The following CYRIA variants were observed in gnomAD, a reference collection of about 807,000 sequenced individuals.
CYRIA encodes the protein CYFIP-related Rac1 interactor A.
Under a neutral mutation model 43.9 loss-of-function variants are expected in CYRIA, and 15 were observed. The observed-to-expected ratio is 0.34, with a 90% CI of 0.23 to 0.53. The LOEUF (loss-of-function observed/expected upper bound fraction) is 0.53. Ranked by LOEUF, CYRIA falls within the 20% of genes least tolerant of loss-of-function variation. The pLI is 0.94. For missense variants in CYRIA, 236 were observed against 394.2 expected (o/e 0.60, Z 3.40); for synonymous variants, 117 against 136.0 (o/e 0.86, Z 0.97).
chr2:16,549,994 T>C lies in CYRIA; in HGVS notation c.*2942A>G, dbSNP rs1382790717. 1 of 151,796 alleles carries C rather than the reference T, an allele frequency of 6.6e-6. No homozygotes were observed. Among genetic ancestry groups the C allele is most frequent in the African/African-American group, 2.4e-5 (1 of 41,372 alleles). The allele number at this position is 151,796 out of a possible 1,614,324, so 9.4% of individuals were successfully genotyped here. A position where few individuals can be genotyped will look rare whatever the true frequency, so the allele number is the denominator to read the frequency against. On this transcript the variant is annotated 3_prime_UTR_variant, in exon 12 of 12. Coordinates refer to ENST00000381323, the MANE Select transcript of CYRIA (RefSeq NM_030797.4). The stretch of plus-strand genomic sequence containing the variant: ...AGACATCCATTTCCAGTTGTTTTTT[T>C]TTTTTGTTATTGTTTTTTTTTTTCT...
chr2:16,573,173 C>G (rs535074242), intron 3 of CYRIA, among the ~76,000 whole-genome samples: 1 of 152,320 alleles, frequency 6.6e-6, no homozygotes, highest in Non-Finnish European at 1.5e-5. Context: ...ATTTCATGCC[C>G]AGCCCTAGGC....
At chr2:16,659,016 G>A (rs80265477) in intron 1 of CYRIA, among the ~76,000 whole-genome samples, 5,079 of 152,272 alleles carry the variant, frequency 0.033, 100 homozygotes, top group Middle Eastern at 0.075. Context: ...TTATTTCTGT[G>A]TGGCATCCTC....
intron 1 of CYRIA, among the ~76,000 whole-genome samples, chr2:16,647,438 A>G (rs1428895539): frequency 6.6e-6 from 1 of 152,194 alleles, no homozygotes; most frequent in African/African-American, 2.4e-5. Context: ...TATACGCAAG[A>G]ATGTAAGCTC....
chr2:16,603,941 C>T (rs551315868), intron 2 of CYRIA, among the ~76,000 whole-genome samples: 9 of 152,290 alleles, frequency 5.9e-5, no homozygotes, highest in Non-Finnish European at 8.8e-5. Flanking sequence ...GTAATTATAT[C>T]CTAAATATGC....
At chr2:16,663,253 A>G (rs1192117063) in intron 1 of CYRIA, among the ~76,000 whole-genome samples, 4 of 152,220 alleles carry the variant, frequency 2.6e-5, no homozygotes, top group Non-Finnish European at 5.9e-5. Flanking sequence ...TGTGGCCAGT[A>G]GGATAGATGC....
chr2:16,622,961 G>A (rs923728912), intron 2 of CYRIA: 4 of 152,204 alleles, frequency 2.6e-5, no homozygotes, highest in Admixed American at 2.0e-4. Flanking sequence ...GCTTAGCTTC[G>A]TGAAATGCTT....
chr2:16,600,694 T>C (rs1378991190), intron 2 of CYRIA, among the ~76,000 whole-genome samples: 1 of 152,212 alleles, frequency 6.6e-6, no homozygotes, highest in Non-Finnish European at 1.5e-5. Flanking sequence ...TTATTACTAC[T>C]ATAATTTATG....
intron 10 of CYRIA, among the ~76,000 whole-genome samples, chr2:16,556,171 A>G (rs558365757): frequency 2.0e-5 from 3 of 152,186 alleles, no homozygotes; most frequent in African/African-American, 7.2e-5. Context: ...TGCTTCTTGC[A>G]TGTCAAAAGT....
intron 1 of CYRIA, among the ~76,000 whole-genome samples, chr2:16,638,766 T>C (rs1669584875): frequency 6.6e-6 from 1 of 152,158 alleles, no homozygotes; most frequent in Non-Finnish European, 1.5e-5. Flanking sequence ...TTGTATTTTA[T>C]ATCGTGTGAG....
At chr2:16,663,381 C>G (rs144274749) in intron 1 of CYRIA, among the ~76,000 whole-genome samples, 1 of 152,140 alleles carries the variant, frequency 6.6e-6, no homozygotes, top group Non-Finnish European at 1.5e-5. Flanking sequence ...TACCATAATA[C>G]GTGCTCAGCT....
rs11901248 is a variant in CYRIA, at chr2:16,634,124, C to T, written c.-166-10105G>A. 6.4e-4 allele frequency among the ~76,000 whole-genome samples: 98 copies of T among 152,306 alleles called. 1 individual carries two copies. Among genetic ancestry groups the T allele is most frequent in the Admixed American group, 4.4e-3 (67 of 15,306 alleles). On this transcript the variant is annotated intron_variant, in intron 1 of 11. Coordinates refer to ENST00000381323, the MANE Select transcript of CYRIA (RefSeq NM_030797.4). ...AGTATTTAGGCTTGATAAGCTTACA[C>T]TGTTGACAGCCAGCCGATCCACTAA...
At chr2:16,563,504 C>A (rs1341336882) in intron 5 of CYRIA, among the ~76,000 whole-genome samples, 5 of 152,166 alleles carry the variant, frequency 3.3e-5, no homozygotes, top group Non-Finnish European at 7.4e-5. Context: ...CTATTTCCAA[C>A]CAGATTTGGC....
rs556554617 is a variant in CYRIA at position 16,612,913 on chromosome 2, C to T, written c.-11+10951G>A. ...ATCATGGTGGCACTTCCCCCCCATACTGTTCTCATGGTAGTGAATGTGTCT... is the reference window on the plus strand; with the variant it reads ...ATCATGGTGGCACTTCCCCCCCATATTGTTCTCATGGTAGTGAATGTGTCT... On this transcript the variant is annotated intron_variant, in intron 2 of 11. Coordinates refer to ENST00000381323, the MANE Select transcript of CYRIA (RefSeq NM_030797.4). Among the ~76,000 whole-genome samples the T allele has an allele frequency of 2.0e-5, 3 of 152,328 alleles. No homozygotes were observed. The South Asian group carries it at 6.2e-4, about 32-fold the overall frequency.
intron 2 of CYRIA, among the ~76,000 whole-genome samples, chr2:16,608,649 C>T (rs1361849037): frequency 2.0e-5 from 3 of 148,080 alleles, no homozygotes; most frequent in Non-Finnish European, 3.0e-5. Context: ...AAAATATTCC[C>T]TTTTTAGTAT....
chr2:16,587,066 A>C (rs1667753533), intron 3 of CYRIA, among the ~76,000 whole-genome samples: 1 of 152,138 alleles, frequency 6.6e-6, no homozygotes, highest in Non-Finnish European at 1.5e-5. Flanking sequence ...ATTTCACCTG[A>C]AGAAAACGTA....
chr2:16,660,512 G>A (rs977752456), intron 1 of CYRIA, among the ~76,000 whole-genome samples: 1 of 152,236 alleles, frequency 6.6e-6, no homozygotes, highest in Non-Finnish European at 1.5e-5. Context: ...ACTGGGCCAT[G>A]TGTTTCCTCC....
chr2:16,564,717 T>A (rs1328465087), intron 4 of CYRIA, among the ~76,000 whole-genome samples: 2 of 152,126 alleles, frequency 1.3e-5, no homozygotes, highest in East Asian at 3.9e-4. Flanking sequence ...TATGTATGTG[T>A]TGGTATTGCC....
Position 16,570,453 on chromosome 2 carries a change from G to T in CYRIA, c.71-4686C>A, listed in dbSNP as rs113972908. Among the ~76,000 whole-genome samples the T allele has an allele frequency of 4.6e-3, 700 of 152,244 alleles. 7 individuals are homozygous for T. The highest frequency in any genetic ancestry group is 0.016 in the African/African-American group (673 of 41,554). ...AGTGAAAAACTGCACTTAGGTTTAC[G>T]TTTCTAATCTGAAAGCTGTTATCAT... On this transcript the variant is annotated intron_variant, in intron 3 of 11. Transcript: ENST00000381323.
chr2:16,580,477 TG>T (rs1185172523), intron 3 of CYRIA, among the ~76,000 whole-genome samples: 3 of 152,236 alleles, frequency 2.0e-5, no homozygotes, highest in Middle Eastern at 3.4e-3. Context: ...AAACTATTAA[TG>T]AGTAAAATTA....
Sources: gnomAD v4.1 joint callset for allele counts (sites outside exome capture counted in the v4.1 genomes callset) on GRCh38, gnomAD v4.1.1 for gene constraint, MANE v1.5 for transcripts, NCBI Gene and HGNC (gene_info 2026-07-23, HGNC 2026-07-21) for gene names.